Variants in PPP4R3A observed in about 807,000 individuals in gnomAD.
The protein encoded by PPP4R3A is protein phosphatase 4 regulatory subunit 3A, also known as serine/threonine-protein phosphatase 4 regulatory subunit 3A.
A neutral mutation model predicts 91.7 loss-of-function variants in PPP4R3A; 15 were observed. The observed-to-expected ratio is 0.16, with a 90% CI of 0.11 to 0.25. PPP4R3A has a LOEUF of 0.25. Ranked by LOEUF, PPP4R3A falls within the 10% of genes least tolerant of loss-of-function variation. The pLI is 1.00. For missense variants in PPP4R3A, 623 were observed against 998.4 expected, an observed-to-expected ratio of 0.62 and a Z score of 5.07; for synonymous variants, 377 against 348.7, an observed-to-expected ratio of 1.08 and a Z score of -0.91.
intron 1 of PPP4R3A, among the ~76,000 whole-genome samples, chr14:91,493,922 G>A (rs1890385002): frequency 1.3e-5 from 2 of 150,218 alleles, no homozygotes; most frequent in South Asian, 2.1e-4. Context: ...GTGCCACCAT[G>A]CCTGGCTAAT....
In PPP4R3A at chr14:91,458,392, TTCTTCTGAGTCTCAAA is replaced by T; in HGVS notation, c.*351_*366del. The T allele has an allele frequency of 3.6e-6, 1 of 279,272 alleles. No individual in the cohort carries two copies. The highest frequency in any genetic ancestry group is 7.0e-6 in the Non-Finnish European group (1 of 142,888). The allele number at this position is 279,272 out of a possible 1,614,324, so 17.3% of individuals were successfully genotyped here. A position where few individuals can be genotyped will look rare whatever the true frequency, so the allele number is the denominator to read the frequency against. On this transcript the variant is annotated 3_prime_UTR_variant, in exon 15 of 15. Transcript: ENST00000554943. ...TGAAGAATTATGGCAGAAAGGCCCATTCTTCTGAGTCTCAAACATGGTCCAAGAAAGCATATTCTGA... is the reference window on the plus strand; with the variant it reads ...TGAAGAATTATGGCAGAAAGGCCCATCATGGTCCAAGAAAGCATATTCTGA...
intron 2 of PPP4R3A, among the ~76,000 whole-genome samples, chr14:91,486,521 AT>A (rs2140124388): frequency 6.6e-6 from 1 of 152,332 alleles, no homozygotes; most frequent in East Asian, 1.9e-4. Context: ...AACAGTTTTT[AT>A]TAAGATGTAA....
At chr14:91,477,501 C>G (rs1889281856) in intron 4 of PPP4R3A, among the ~76,000 whole-genome samples, 1 of 152,056 alleles carries the variant, frequency 6.6e-6, no homozygotes, top group Non-Finnish European at 1.5e-5. Context: ...ATTTAAAAAG[C>G]AAAATTTAGA....
intron 2 of PPP4R3A, among the ~76,000 whole-genome samples, chr14:91,486,165 C>A (rs949516204): frequency 6.6e-6 from 1 of 152,034 alleles, no homozygotes; most frequent in African/African-American, 2.4e-5. Context: ...TGTTTTTCAC[C>A]AGGGGCCTCT....
intron 3 of PPP4R3A, among the ~76,000 whole-genome samples, chr14:91,484,371 G>C (rs1301593654): frequency 6.6e-6 from 1 of 152,174 alleles, no homozygotes; most frequent in Non-Finnish European, 1.5e-5. Flanking sequence ...ACCAAAAGCA[G>C]GGGGCGACAA....
chr14:91,488,186 T>C (rs1453756145), intron 2 of PPP4R3A, among the ~76,000 whole-genome samples: 2 of 146,536 alleles, frequency 1.4e-5, no homozygotes, highest in African/African-American at 5.2e-5. Context: ...CTGAGCAACA[T>C]ATCAAGACCC....
At chr14:91,502,011 C>T (rs988191074) in intron 1 of PPP4R3A, among the ~76,000 whole-genome samples, 7 of 151,754 alleles carry the variant, frequency 4.6e-5, no homozygotes, top group Admixed American at 2.6e-4. Flanking sequence ...CGTGAGCCAC[C>T]GCACCCGGCC....
intron 9 of PPP4R3A, among the ~76,000 whole-genome samples, chr14:91,471,987 C>T (rs1457575240): frequency 6.8e-6 from 1 of 146,398 alleles, no homozygotes; most frequent in Admixed American, 7.1e-5. Context: ...ATTGCTCAAA[C>T]CTGGGAGGCA....
intron 2 of PPP4R3A, among the ~76,000 whole-genome samples, chr14:91,488,880 T>C (rs1417081506): frequency 2.7e-5 from 4 of 150,352 alleles, no homozygotes; most frequent in Non-Finnish European, 1.5e-5. Context: ...TATACTGTTA[T>C]GAAAACTAGT....
Position 91,509,990 on chromosome 14 carries a change from G to A in PPP4R3A, c.-343C>T. 1 of 988,654 alleles carries A rather than the reference G, an allele frequency of 1.0e-6. No individual in the cohort carries two copies. The highest frequency in any genetic ancestry group is 1.2e-6 in the Non-Finnish European group (1 of 828,082). The allele number at this position is 988,654 out of a possible 1,614,324, so 61.2% of individuals were successfully genotyped here. ...CCGTCACTGCCCTGCTCCCGCCTCC[G>A]CCATGATCTCCGCGAAGCAGCTTCC... On this transcript the variant is annotated 5_prime_UTR_variant, in exon 1 of 15. Transcript: ENST00000554943.
At chr14:91,502,069 C>G (rs1890998692) in intron 1 of PPP4R3A, among the ~76,000 whole-genome samples, 1 of 151,932 alleles carries the variant, frequency 6.6e-6, no homozygotes, top group South Asian at 2.1e-4. Context: ...GCTCCAAGTC[C>G]TTCTTTCCTG....
At chr14:91,498,004 C>A (rs1477378067) in intron 1 of PPP4R3A, among the ~76,000 whole-genome samples, 7 of 152,188 alleles carry the variant, frequency 4.6e-5, no homozygotes, top group African/African-American at 1.7e-4. Context: ...AGATGAGAAT[C>A]TTTCTGGTTT....
chr14:91,482,912 A>G (rs1889658186), intron 3 of PPP4R3A, among the ~76,000 whole-genome samples: 1 of 152,202 alleles, frequency 6.6e-6, no homozygotes, highest in African/African-American at 2.4e-5. Flanking sequence ...ACCTATATGT[A>G]GTAGAGTTAT....
At chr14:91,476,096 G>A in intron 6 of PPP4R3A, 130 bp from the exon 7 acceptor site, 2 of 883,626 alleles carry the variant, frequency 2.3e-6, no homozygotes, top group Non-Finnish European at 3.3e-6. Context: ...AAATTCTTCT[G>A]CATATAAAAC....
intron 7 of PPP4R3A, 55 bp from the exon 8 acceptor site, chr14:91,473,425 G>A (rs540409582): frequency 3.2e-5 from 50 of 1,556,228 alleles, no homozygotes; most frequent in Middle Eastern, 2.3e-4. Context: ...AACGGAAAAA[G>A]CAAAAACTAA....
Position 91,500,641 on chromosome 14 carries a change from G to A in PPP4R3A, c.142+8865C>T, listed in dbSNP as rs563031075. ...ACCCATAAACACATTACGAATAAGA[G>A]GTTAACCAATATATTCATTTACTGT... On this transcript the variant is annotated intron_variant, in intron 1 of 14. Transcript: ENST00000554943. Among the ~76,000 whole-genome samples the A allele has an allele frequency of 5.3e-5, 8 of 152,056 alleles. No homozygotes were observed. In the South Asian group the frequency reaches 1.7e-3, roughly 32 times the overall value.
rs771311249 is a variant in PPP4R3A, at chr14:91,470,990, A to C, written c.1507T>G (p.Phe503Val). 2.5e-6 allele frequency: 4 copies of C among 1,583,558 alleles called. No homozygotes were observed. The Admixed American group carries it at 6.1e-5, about 24-fold the overall frequency. The stretch of plus-strand genomic sequence containing the variant: ...AGTGCCAATAGTTGGGCAGTCTGAA[A>C]ATCATCTAAAAGAAACAAAACACAA... Reference protein sequence around the residue: ...TTEDKPSKDDFQTAQLLALVL... With the variant: ...TTEDKPSKDDVQTAQLLALVL... The change falls in exon 10 of 15, where the codon TTT becomes GTT. Residue 503 changes from phenylalanine to valine, a missense_variant. Physicochemically the swap from Phe to Val is conservative, Grantham distance 50. Around this residue, in one of 5 missense-constraint regions of PPP4R3A, gnomAD observed 87 missense variants for 233.9 expected, o/e 0.37. Coordinates refer to ENST00000554943, the MANE Select transcript of PPP4R3A (RefSeq NM_001366432.2).
At chr14:91,479,253 T>C (rs1889391842) in intron 4 of PPP4R3A, among the ~76,000 whole-genome samples, 1 of 151,904 alleles carries the variant, frequency 6.6e-6, no homozygotes, top group Non-Finnish European at 1.5e-5. Context: ...AAAGACCTAT[T>C]ATTCTTACAA....
At chr14:91,486,915 A>AT in intron 2 of PPP4R3A, among the ~76,000 whole-genome samples, 1 of 117,066 alleles carries the variant, frequency 8.5e-6, no homozygotes, top group Non-Finnish European at 2.2e-5. Flanking sequence ...CAAAAAAAAA[A>AT]AAAAAAAAAT....
Sources: gnomAD v4.1 joint callset for allele counts (sites outside exome capture counted in the v4.1 genomes callset) on GRCh38, gnomAD v4.1.1 for gene constraint, gnomAD v4.1.1 regional missense constraint, MANE v1.5 for transcripts, NCBI Gene and HGNC (gene_info 2026-07-23, HGNC 2026-07-21) for gene names.